The following NRG1 variants were observed in gnomAD, a reference collection of about 807,000 sequenced individuals.
NRG1 encodes neuregulin 1.
NRG1 carries 18 observed loss-of-function variants against 63.8 expected under a neutral mutation model. The ratio of observed to expected loss-of-function variants is 0.28; its 90% CI spans 0.19 to 0.42. The LOEUF is 0.42. Among genes scored for constraint, NRG1 ranks in the 10% least tolerant of loss-of-function variants. The pLI is 1.00. For synonymous variants in NRG1, 302 were observed against 301.3 expected (o/e 1.00, Z -0.02); for missense variants, 762 against 814.7 (o/e 0.94, Z 0.79).
At chr8:31,848,066 T>C (rs1826856566) in intron 1 of NRG1, among the ~76,000 whole-genome samples, 1 of 152,188 alleles carries the variant, frequency 6.6e-6, no homozygotes, top group Non-Finnish European at 1.5e-5. Context: ...AAACTTTAGA[T>C]ACACATTACA....
At chr8:32,508,346 A>G (rs1048429510) in intron 1 of NRG1, among the ~76,000 whole-genome samples, 3 of 151,216 alleles carry the variant, frequency 2.0e-5, no homozygotes, top group African/African-American at 7.3e-5. Flanking sequence ...GCTGGAGTGT[A>G]GTGGTGCGAT....
chr8:32,620,088 G>A (rs1269141335), intron 5 of NRG1, among the ~76,000 whole-genome samples: 1 of 152,098 alleles, frequency 6.6e-6, no homozygotes, highest in African/African-American at 2.4e-5. Context: ...TGAAGAGTCA[G>A]CAATAACAAT....
chr8:31,751,815 T>C (rs547641389), intron 1 of NRG1, among the ~76,000 whole-genome samples: 73 of 151,982 alleles, frequency 4.8e-4, no homozygotes, highest in South Asian at 3.1e-3. Flanking sequence ...AAGAGAAAGA[T>C]GTTTAAGGTG....
chr8:31,942,200 A>G (rs569413577), intron 1 of NRG1, among the ~76,000 whole-genome samples: 24 of 152,320 alleles, frequency 1.6e-4, no homozygotes, highest in Admixed American at 1.0e-3. Flanking sequence ...TGCATAGACC[A>G]ATGGAACAGA....
intron 1 of NRG1, among the ~76,000 whole-genome samples, chr8:32,280,886 A>G (rs1852722468): frequency 1.4e-5 from 2 of 147,444 alleles, no homozygotes; most frequent in African/African-American, 5.0e-5. Context: ...CAGCCTCCCG[A>G]GTAGCTGGGA....
intron 5 of NRG1, among the ~76,000 whole-genome samples, chr8:32,641,516 C>G (rs973959117): frequency 1.5e-4 from 23 of 152,234 alleles, no homozygotes; most frequent in Admixed American, 2.6e-4. Context: ...TAGGTTCTCC[C>G]AAAGTAAAGC....
At chr8:32,359,628 T>C (rs1806953302) in intron 1 of NRG1, among the ~76,000 whole-genome samples, 1 of 152,212 alleles carries the variant, frequency 6.6e-6, no homozygotes, top group African/African-American at 2.4e-5. Context: ...TTATCTAAGA[T>C]GGCAGTCTTT....
intron 1 of NRG1, among the ~76,000 whole-genome samples, chr8:32,460,262 T>C (rs2129488837): frequency 6.6e-6 from 1 of 152,314 alleles, no homozygotes; most frequent in African/African-American, 2.4e-5. Flanking sequence ...TTAATGACAC[T>C]TTGTGGACTA....
intron 1 of NRG1, among the ~76,000 whole-genome samples, chr8:32,336,600 G>A (rs1803299466): frequency 6.6e-6 from 1 of 152,136 alleles, no homozygotes; most frequent in South Asian, 2.1e-4. Flanking sequence ...CCATGGTAGA[G>A]TGGACATTTT....
At chr8:32,110,982 G>A (rs975099158) in intron 1 of NRG1, among the ~76,000 whole-genome samples, 14 of 152,088 alleles carry the variant, frequency 9.2e-5, no homozygotes, top group African/African-American at 1.2e-4. Context: ...AGTAAGCAAC[G>A]TTTCCTACCA....
At chr8:32,225,993 A>G (rs1368847959) in intron 1 of NRG1, among the ~76,000 whole-genome samples, 2 of 151,966 alleles carry the variant, frequency 1.3e-5, no homozygotes, top group East Asian at 3.9e-4. Context: ...GATTCTATAC[A>G]TTTCACTTCT....
intron 1 of NRG1, among the ~76,000 whole-genome samples, chr8:32,020,478 TG>T (rs1192732730): frequency 1.3e-5 from 2 of 152,186 alleles, no homozygotes; most frequent in Admixed American, 1.3e-4. Flanking sequence ...TTCCTTTCCT[TG>T]CTTTATTGCA....
chr8:31,898,649 A>G (rs1831805201), intron 1 of NRG1, among the ~76,000 whole-genome samples: 1 of 152,190 alleles, frequency 6.6e-6, no homozygotes. Flanking sequence ...GGTTGCAGTG[A>G]GCTGAGATTG....
At chr8:31,898,420 G>A (rs547058990) in intron 1 of NRG1, among the ~76,000 whole-genome samples, 12 of 152,276 alleles carry the variant, frequency 7.9e-5, no homozygotes, top group Middle Eastern at 6.8e-3. Flanking sequence ...TAAAGATAGA[G>A]AAACTGAGGC....
chr8:32,741,374 C>A (rs1470491446), intron 6 of NRG1, among the ~76,000 whole-genome samples: 59 of 152,042 alleles, frequency 3.9e-4, no homozygotes, highest in Admixed American at 3.8e-3. Context: ...TGGGATAATG[C>A]AATTAAGTGA....
chr8:32,028,298 G>T (rs1053214347), intron 1 of NRG1, among the ~76,000 whole-genome samples: 2 of 152,064 alleles, frequency 1.3e-5, no homozygotes, highest in African/African-American at 4.8e-5. Flanking sequence ...GTGCATCTCA[G>T]AATTAAACTG....
At chr8:32,633,236 A>G (rs539680464) in intron 5 of NRG1, among the ~76,000 whole-genome samples, 1 of 152,318 alleles carries the variant, frequency 6.6e-6, no homozygotes, top group African/African-American at 2.4e-5. Context: ...ATTTATTTTA[A>G]TCCATCTACC....
At chr8:32,335,317 T>C (rs763511332) in intron 1 of NRG1, among the ~76,000 whole-genome samples, 20 of 152,184 alleles carry the variant, frequency 1.3e-4, no homozygotes, top group Non-Finnish European at 2.9e-4. Context: ...TAATTCAGTG[T>C]GGGTGAGCTT....
intron 1 of NRG1, among the ~76,000 whole-genome samples, chr8:32,418,841 TG>T (rs1410139520): frequency 1.3e-5 from 2 of 152,244 alleles, no homozygotes; most frequent in African/African-American, 4.8e-5. Flanking sequence ...TGAAATAAGA[TG>T]TTTTTATACT....
Sources: gnomAD v4.1 joint callset for allele counts (sites outside exome capture counted in the v4.1 genomes callset) on GRCh38, gnomAD v4.1.1 for gene constraint, MANE v1.5 for transcripts, NCBI Gene and HGNC (gene_info 2026-07-23, HGNC 2026-07-21) for gene names.